GABRG3: variants seen among roughly 807,000 people sequenced by gnomAD.
The protein encoded by GABRG3 is gamma-aminobutyric acid type A receptor subunit gamma3.
Under a neutral mutation model 48.8 loss-of-function variants are expected in GABRG3, and 25 were observed. The observed-to-expected ratio is 0.51, with a 90% confidence interval of 0.37 to 0.72. The LOEUF is 0.72. GABRG3 is among the 30% of genes least tolerant of loss of function. The pLI is 0.00. For missense variants in GABRG3, 394 were observed against 577.9 expected, an observed-to-expected ratio of 0.68 and a Z score of 3.26; for synonymous variants, 227 against 217.6, an observed-to-expected ratio of 1.04 and a Z score of -0.38.
At chr15:27,420,777 T>A (rs1431561255) in intron 5 of GABRG3, 1 of 152,232 alleles carries the variant, frequency 6.6e-6, no homozygotes, top group Non-Finnish European at 1.5e-5. Context: ...AAATTTATAG[T>A]TTCTCACATT....
chr15:27,156,493 A>T (rs1898432336), intron 3 of GABRG3, among the ~76,000 whole-genome samples: 1 of 152,082 alleles, frequency 6.6e-6, no homozygotes. Flanking sequence ...AAAGCCCAAG[A>T]TACTCGCTAC....
In GABRG3 at chr15:27,226,946, T is replaced by C. The variant is rs1048398686; in HGVS notation, c.271-99863T>C. ...GCCAGGCCTCTGCCTCCTAAAGCAG[T>C]ACTATTTATCCCCAAAGAACATTTT... On this transcript the variant is annotated intron_variant, in intron 3 of 9. Coordinates refer to ENST00000615808, the MANE Select transcript of GABRG3 (RefSeq NM_033223.5). Among the ~76,000 whole-genome samples, 7 of 152,272 alleles carry C rather than the reference T, an allele frequency of 4.6e-5. No homozygotes were observed. The South Asian group carries it at 1.2e-3, about 27-fold the overall frequency.
intron 3 of GABRG3, among the ~76,000 whole-genome samples, chr15:27,310,955 A>G (rs188773855): frequency 1.3e-5 from 2 of 152,310 alleles, no homozygotes; most frequent in East Asian, 3.9e-4. Flanking sequence ...ACTTCACACA[A>G]CACCCAATTG....
intron 3 of GABRG3, among the ~76,000 whole-genome samples, chr15:27,168,129 G>A (rs1216998019): frequency 1.3e-5 from 2 of 150,042 alleles, no homozygotes; most frequent in African/African-American, 4.9e-5. Flanking sequence ...TTCTAAAGAA[G>A]CTCAGTTAAA....
At chr15:27,029,313 C>A (rs1014914074) in intron 3 of GABRG3, among the ~76,000 whole-genome samples, 6 of 152,182 alleles carry the variant, frequency 3.9e-5, no homozygotes, top group African/African-American at 1.2e-4. Flanking sequence ...CCGCAGTCAG[C>A]GCTCAGCAGG....
chr15:27,163,272 G>A (rs1887258355), intron 3 of GABRG3, among the ~76,000 whole-genome samples: 1 of 152,116 alleles, frequency 6.6e-6, no homozygotes, highest in South Asian at 2.1e-4. Context: ...AACCAAGGAG[G>A]GAGGATTTCT....
At chr15:27,147,351 C>T (rs756665643) in intron 3 of GABRG3, among the ~76,000 whole-genome samples, 1 of 151,876 alleles carries the variant, frequency 6.6e-6, no homozygotes, top group Non-Finnish European at 1.5e-5. Flanking sequence ...ATACATAATG[C>T]TAAAATAGTG....
intron 3 of GABRG3, among the ~76,000 whole-genome samples, chr15:27,240,333 A>G (rs1382244623): frequency 6.6e-6 from 1 of 152,192 alleles, no homozygotes; most frequent in African/African-American, 2.4e-5. Flanking sequence ...GAGCTAGTCC[A>G]CAGTGCTGGA....
intron 3 of GABRG3, among the ~76,000 whole-genome samples, chr15:27,278,481 C>A (rs1313463602): frequency 1.3e-5 from 2 of 152,158 alleles, no homozygotes; most frequent in Non-Finnish European, 2.9e-5. Flanking sequence ...ACCCATGCCA[C>A]CCCCCATCCC....
intron 3 of GABRG3, among the ~76,000 whole-genome samples, chr15:27,079,816 T>G (rs896260452): frequency 1.3e-5 from 2 of 152,210 alleles, no homozygotes; most frequent in Non-Finnish European, 2.9e-5. Context: ...ATAGCATCAT[T>G]AAGACCTCTA....
At chr15:27,191,178 T>C (rs1226147022) in intron 3 of GABRG3, among the ~76,000 whole-genome samples, 1 of 152,184 alleles carries the variant, frequency 6.6e-6, no homozygotes, top group Non-Finnish European at 1.5e-5. Context: ...AGGTGTGTGG[T>C]GCTGAAAAAA....
chr15:27,336,190 A>C (rs1302378445), intron 5 of GABRG3, among the ~76,000 whole-genome samples: 1 of 146,174 alleles, frequency 6.8e-6, no homozygotes, highest in African/African-American at 2.7e-5. Context: ...AGTCAGTATG[A>C]AAAGAAAGAA....
At chr15:27,414,682 C>T (rs1566830219) in intron 5 of GABRG3, among the ~76,000 whole-genome samples, 1 of 152,144 alleles carries the variant, frequency 6.6e-6, no homozygotes, top group African/African-American at 2.4e-5. Context: ...AGTTATCTGG[C>T]ATCACAGAGA....
At chr15:27,355,731 C>T (rs775267391) in intron 5 of GABRG3, among the ~76,000 whole-genome samples, 1 of 152,132 alleles carries the variant, frequency 6.6e-6, no homozygotes, top group Non-Finnish European at 1.5e-5. Flanking sequence ...AGATGTCTAT[C>T]GCTAATGAAT....
intron 3 of GABRG3, among the ~76,000 whole-genome samples, chr15:27,174,473 C>G (rs1305005489): frequency 6.6e-6 from 1 of 151,988 alleles, no homozygotes; most frequent in Admixed American, 6.6e-5. Flanking sequence ...TCCCAGAAAG[C>G]CTATTGTACA....
intron 5 of GABRG3, among the ~76,000 whole-genome samples, chr15:27,374,356 C>T (rs942509877): frequency 6.6e-6 from 1 of 151,982 alleles, no homozygotes; most frequent in Non-Finnish European, 1.5e-5. Context: ...GTCTCGAACT[C>T]CTGGACTCAA....
intron 3 of GABRG3, among the ~76,000 whole-genome samples, chr15:27,086,573 C>A (rs117281882): frequency 6.6e-6 from 1 of 152,256 alleles, no homozygotes; most frequent in East Asian, 1.9e-4. Flanking sequence ...TTAATGTCAA[C>A]ATGGAAAGGA....
chr15:27,221,644 G>A (rs899428874), intron 3 of GABRG3, among the ~76,000 whole-genome samples: 3 of 152,138 alleles, frequency 2.0e-5, no homozygotes, highest in African/African-American at 7.2e-5. Flanking sequence ...CATATTTCCA[G>A]TTGTCTCTGT....
At chr15:27,181,625 G>A (rs1369573128) in intron 3 of GABRG3, among the ~76,000 whole-genome samples, 2 of 152,190 alleles carry the variant, frequency 1.3e-5, no homozygotes, top group South Asian at 2.1e-4. Flanking sequence ...CTTTGTGGAA[G>A]CAGTTGTTTC....
Sources: allele counts gnomAD v4.1 joint callset (sites outside exome capture counted in the v4.1 genomes callset), GRCh38; gene constraint gnomAD v4.1.1; transcripts MANE v1.5; gene names NCBI Gene and HGNC (gene_info 2026-07-23, HGNC 2026-07-21).